NBPF9: variants seen among roughly 807,000 people sequenced by gnomAD.
NBPF9 encodes NBPF family member NBPF9.
A neutral mutation model predicts 97.8 loss-of-function variants in NBPF9; 91 were observed. That is an observed-to-expected ratio of 0.93 (90% CI 0.79 to 1.11). The LOEUF (loss-of-function observed/expected upper bound fraction) is 1.11. Ranked by LOEUF, NBPF9 falls within the 50% of genes least tolerant of loss-of-function variation. The probability of loss-of-function intolerance (pLI) is 0.00; values close to 1 mark genes in which losing one functional copy is unlikely to be tolerated. For synonymous variants in NBPF9, 334 were observed against 359.5 expected, an observed-to-expected ratio of 0.93 and a Z score of 0.80; for missense variants, 992 against 939.5, an observed-to-expected ratio of 1.06 and a Z score of -0.73.
rs1466517505 is a variant in NBPF9, at chr1:149,067,304, G to GTA, written c.1638-1617_1638-1616dup. 4.1e-3 allele frequency among the ~76,000 whole-genome samples: 438 copies of GTA among 105,596 alleles called. 48 individuals are homozygous for GTA. Among genetic ancestry groups the GTA allele is most frequent in the Middle Eastern group, 0.025 (5 of 200 alleles). 69.3% of individuals were successfully genotyped at this position (105,596 alleles called of 152,430 possible). A position where few individuals can be genotyped will look rare whatever the true frequency, so the allele number is the denominator to read the frequency against. On this transcript the variant is annotated intron_variant, in intron 17 of 29. Coordinates refer to ENST00000584027, the Ensembl canonical transcript of NBPF9. Reference sequence around the variant, plus strand: ...CCTTTATTATTTTTTGTGTGTATGTGTATATATATATATATATTTTTAATA... The same window carrying GTA: ...CCTTTATTATTTTTTGTGTGTATGTGTATATATATATATATATATTTTTAATA...
At position 149,062,081 on chromosome 1, in the gene NBPF9, T is replaced by C. The variant is rs1553650100; in HGVS notation, c.2251+12A>G. 6.7e-6 allele frequency: 7 copies of C among 1,039,506 alleles called. No homozygotes were observed. The highest frequency in any genetic ancestry group is 8.9e-6 in the Non-Finnish European group (6 of 674,152). 64.4% of individuals were successfully genotyped at this position (1,039,506 alleles called of 1,614,324 possible). On this transcript the variant is annotated intron_variant, in intron 22 of 29. Coordinates refer to ENST00000584027, the Ensembl canonical transcript of NBPF9. Reference sequence around the variant, plus strand: ...AGGTGGAGGCTTATCACCTTCATAGTAAGGTACTCACTGTCCAAGTCAAGA... The same window carrying C: ...AGGTGGAGGCTTATCACCTTCATAGCAAGGTACTCACTGTCCAAGTCAAGA...
chr1:149,055,548 C>A (rs1249746134), exon 30 of NBPF9: 24 of 1,568,262 alleles, frequency 1.5e-5, no homozygotes, highest in Non-Finnish European at 2.0e-5. Context: ...TGCCCACTGA[C>A]CCATCCTATG....
At chr1:149,080,108 G>C (rs782505982) in exon 8 of NBPF9, 1 of 1,405,452 alleles carries the variant, frequency 7.1e-7, no homozygotes, top group Non-Finnish European at 1.0e-6. Context: ...TTGAACTGTC[G>C]CTCATTCCTC....
chr1:149,084,627 C>T (rs1575862006), intron 5 of NBPF9, among the ~76,000 whole-genome samples: 1 of 151,142 alleles, frequency 6.6e-6, no homozygotes. Context: ...TCTACAGCCT[C>T]GTGGCGGACG....
At chr1:149,065,067 AC>A (rs782418540) in intron 18 of NBPF9, 2 of 583,016 alleles carry the variant, frequency 3.4e-6, no homozygotes, top group East Asian at 5.8e-5. Context: ...ATTCAGTGAA[AC>A]CTGGGTCACA....
At chr1:149,089,609 A>G (rs2081283757) in intron 5 of NBPF9, among the ~76,000 whole-genome samples, 2 of 152,306 alleles carry the variant, frequency 1.3e-5, no homozygotes, top group Non-Finnish European at 2.9e-5. Flanking sequence ...GTTATGGGGA[A>G]ACAAAAGGAG....
At chr1:149,071,065 C>A in exon 16 of NBPF9, 1 of 1,611,032 alleles carries the variant, frequency 6.2e-7, no homozygotes, top group Non-Finnish European at 8.5e-7. Flanking sequence ...AGGGCCATGG[C>A]TATTTGAATA....
chr1:149,071,195 C>T lies in NBPF9; in HGVS notation c.1380-56G>A. 5 of 1,171,154 alleles carry T rather than the reference C, an allele frequency of 4.3e-6. 1 individual carries two copies. In the South Asian group the frequency reaches 5.2e-5, roughly 12 times the overall value. 72.5% of individuals were successfully genotyped at this position (1,171,154 alleles called of 1,614,324 possible). On this transcript the variant is annotated intron_variant, in intron 15 of 29. Coordinates refer to ENST00000584027, the Ensembl canonical transcript of NBPF9. ...AAGATTAAACACAGAGGGATTGGAC[C>T]CCAGGGAGTCCTAGCTGGTTTTGAC...
intron 12 of NBPF9, among the ~76,000 whole-genome samples, chr1:149,075,272 A>G (rs1235657411): frequency 1.3e-5 from 2 of 152,154 alleles, no homozygotes; most frequent in Non-Finnish European, 2.9e-5. Context: ...AGAAACTTGA[A>G]CTGAATAAAA....
At chr1:149,086,612 G>A (rs2081022350) in intron 5 of NBPF9, among the ~76,000 whole-genome samples, 1 of 152,254 alleles carries the variant, frequency 6.6e-6, no homozygotes, top group Non-Finnish European at 1.5e-5. Flanking sequence ...CTCAGACTTA[G>A]TTATAGATTA....
At chr1:149,061,501 G>T in intron 22 of NBPF9, 118 bp from the exon 23 acceptor site, 1 of 486,080 alleles carries the variant, frequency 2.1e-6, no homozygotes, top group Non-Finnish European at 3.7e-6. Context: ...ACAGGACAAT[G>T]TGACAGATAT....
exon 14 of NBPF9, chr1:149,072,796 A>G (rs782791939): frequency 3.3e-5 from 52 of 1,579,620 alleles, no homozygotes; most frequent in Non-Finnish European, 4.4e-5. Context: ...TGCCCCTGGG[A>G]CTTGTCCGGC....
At chr1:149,084,503 A>G (rs1275317861) in intron 5 of NBPF9, among the ~76,000 whole-genome samples, 18 of 147,496 alleles carry the variant, frequency 1.2e-4, no homozygotes, top group Admixed American at 1.2e-3. Flanking sequence ...CGTGGCGAGG[A>G]GGACAGCACC....
chr1:149,071,225 G>A (rs1241352806), intron 15 of NBPF9, 86 bp from the exon 16 acceptor site: 39 of 1,179,992 alleles, frequency 3.3e-5, no homozygotes, highest in Admixed American at 1.2e-4. Context: ...TTTGACAGGC[G>A]GCATTAAGAG....
At chr1:149,088,192 TTA>T (rs1370058853) in intron 5 of NBPF9, among the ~76,000 whole-genome samples, 1 of 152,166 alleles carries the variant, frequency 6.6e-6, no homozygotes, top group Admixed American at 6.6e-5. Context: ...AATTGTATTC[TTA>T]TTTCATTTTC....
At chr1:149,096,904 C>T (rs2081799691) in intron 4 of NBPF9, among the ~76,000 whole-genome samples, 1 of 132,946 alleles carries the variant, frequency 7.5e-6, no homozygotes, top group Non-Finnish European at 1.6e-5. Flanking sequence ...TCCCTGCCTA[C>T]AAGACAGAAG....
At chr1:149,077,940 T>C in exon 10 of NBPF9, 3 of 1,537,610 alleles carry the variant, frequency 2.0e-6, no homozygotes, top group Non-Finnish European at 2.7e-6. Flanking sequence ...ATCTTCATCC[T>C]CATCTTCGTC....
intron 25 of NBPF9, 58 bp downstream of exon 25, chr1:149,059,642 A>T (rs2152866498): frequency 1.8e-6 from 1 of 550,956 alleles, no homozygotes; most frequent in African/African-American, 2.4e-5. Flanking sequence ...GGTTTCCCTG[A>T]ATCTGTTGCC....
intron 24 of NBPF9, chr1:149,060,232 T>C (rs2078511035): frequency 4.8e-6 from 1 of 208,024 alleles, no homozygotes; most frequent in Non-Finnish European, 9.1e-6. Flanking sequence ...AACCCTTGAG[T>C]CAAAATCATA....
Sources: allele counts gnomAD v4.1 joint callset (sites outside exome capture counted in the v4.1 genomes callset), GRCh38; gene constraint gnomAD v4.1.1; transcripts MANE v1.5; gene names NCBI Gene and HGNC (gene_info 2026-07-23, HGNC 2026-07-21).